The following ADGRL2 variants were observed in gnomAD, a reference collection of about 807,000 sequenced individuals.
ADGRL2 encodes calcium-independent alpha-latrotoxin receptor 2.
A neutral mutation model predicts 157.4 loss-of-function variants in ADGRL2; 44 were observed. The ratio of observed to expected loss-of-function variants is 0.28; its 90% CI spans 0.22 to 0.36. The LOEUF is 0.36. Ranked by LOEUF, ADGRL2 falls within the 10% of genes least tolerant of loss-of-function variation. ADGRL2 has a pLI of 1.00. For synonymous variants in ADGRL2, 585 were observed against 624.7 expected (o/e 0.94, Z 0.95); for missense variants, 1,510 against 1,768.9 (o/e 0.85, Z 2.63).
intron 1 of ADGRL2, chr1:81,427,493 A>T: frequency 4.0e-6 from 3 of 753,744 alleles, no homozygotes; most frequent in Non-Finnish European, 7.3e-6. Context: ...TATAGTGGAC[A>T]ACAGCAATCA....
intron 1 of ADGRL2, among the ~76,000 whole-genome samples, chr1:81,355,611 G>A (rs1304131377): frequency 6.6e-6 from 1 of 152,126 alleles, no homozygotes; most frequent in Non-Finnish European, 1.5e-5. Context: ...GAAACACAAC[G>A]CCTGTTGCCA....
Position 81,943,191 on chromosome 1 carries a change from T to C in ADGRL2, c.632T>C (p.Val211Ala). The change falls in exon 6 of 24, where the codon GTA becomes GCA. Residue 211 changes from valine to alanine, a missense_variant. Physicochemically the swap from Val to Ala is moderately conservative, Grantham distance 64. Transcript: ENST00000686636. This position sits in a 1 kb window ranked among gnomAD's most constrained non-coding sequence, Gnocchi z 5.6. Reference sequence around the variant, plus strand: ...ACAACATATAAACTTCCAAATCGAGTAGATGGTACTGGATTTGTGGTGTAT... The same window carrying C: ...ACAACATATAAACTTCCAAATCGAGCAGATGGTACTGGATTTGTGGTGTAT... ...QTTTYKLPNR[V>A]DGTGFVVYDG... 6.2e-7 allele frequency: 1 copy of C among 1,613,350 alleles called. No homozygotes were observed. The highest frequency in any genetic ancestry group is 8.5e-7 in the Non-Finnish European group (1 of 1,179,562).
intron 3 of ADGRL2, among the ~76,000 whole-genome samples, chr1:81,682,166 A>C (rs563224063): frequency 8.6e-4 from 130 of 150,856 alleles, no homozygotes; most frequent in Middle Eastern, 3.4e-3. Flanking sequence ...CAAGAAGGAA[A>C]GTATTACAGG....
chr1:81,690,356 G>C (rs920079245), intron 3 of ADGRL2, among the ~76,000 whole-genome samples: 1 of 152,164 alleles, frequency 6.6e-6, no homozygotes, highest in Non-Finnish European at 1.5e-5. Flanking sequence ...AGCCAGGCAT[G>C]GTGGTGCATG....
At chr1:81,737,528 A>G (rs1418351751) in intron 1 of ADGRL2, among the ~76,000 whole-genome samples, 1 of 152,208 alleles carries the variant, frequency 6.6e-6, no homozygotes, top group Admixed American at 6.5e-5. Context: ...ATTCAACATG[A>G]GACTCGGGTG....
At chr1:81,512,011 A>G (rs2079088278) in intron 2 of ADGRL2, among the ~76,000 whole-genome samples, 1 of 152,110 alleles carries the variant, frequency 6.6e-6, no homozygotes, top group African/African-American at 2.4e-5. Context: ...TCCATAATGT[A>G]TGTCTGTGCA....
intron 2 of ADGRL2, among the ~76,000 whole-genome samples, chr1:81,888,238 TC>T (rs1474306504): frequency 5.9e-5 from 9 of 152,142 alleles, no homozygotes; most frequent in Admixed American, 5.9e-4. Flanking sequence ...GAAATACAAC[TC>T]TTTATCAAAA....
intron 2 of ADGRL2, among the ~76,000 whole-genome samples, chr1:81,449,281 C>T (rs1313915211): frequency 6.6e-6 from 1 of 151,682 alleles, no homozygotes; most frequent in Admixed American, 6.6e-5. Context: ...CTTTTGGGGG[C>T]TAAATAACCA....
At chr1:81,980,104 T>A in intron 18 of ADGRL2, 144 bp downstream of exon 18, 1 of 580,038 alleles carries the variant, frequency 1.7e-6, no homozygotes, top group Non-Finnish European at 3.1e-6. Flanking sequence ...AATCTCAGTG[T>A]TACTATATCA....
chr1:81,448,167 C>A (rs1222299137), intron 2 of ADGRL2, among the ~76,000 whole-genome samples: 3 of 99,032 alleles, frequency 3.0e-5, no homozygotes, highest in East Asian at 3.5e-4. Flanking sequence ...TTTTTTGAGA[C>A]AGAGTCTCGC....
At chr1:81,413,178 C>A (rs1350510847) in intron 1 of ADGRL2, among the ~76,000 whole-genome samples, 1 of 152,100 alleles carries the variant, frequency 6.6e-6, no homozygotes, top group African/African-American at 2.4e-5. Context: ...GCCTATCAGG[C>A]GCTACTTGAA....
At chr1:81,708,908 A>C (rs2083831333) in intron 1 of ADGRL2, among the ~76,000 whole-genome samples, 1 of 152,074 alleles carries the variant, frequency 6.6e-6, no homozygotes, top group African/African-American at 2.4e-5. Flanking sequence ...ACATCAACTT[A>C]CTTGCTCGTT....
intron 1 of ADGRL2, among the ~76,000 whole-genome samples, chr1:81,378,917 A>G (rs1425289018): frequency 6.6e-6 from 1 of 152,150 alleles, no homozygotes. Context: ...AAGAGATGTT[A>G]TTACTATTTT....
chr1:81,758,596 TAAG>T (rs1430955774), intron 1 of ADGRL2, among the ~76,000 whole-genome samples: 1 of 152,190 alleles, frequency 6.6e-6, no homozygotes, highest in Non-Finnish European at 1.5e-5. Context: ...AAAAATTCAT[TAAG>T]AAGTAGCTCA....
chr1:81,468,745 A>G (rs965588541), intron 2 of ADGRL2, among the ~76,000 whole-genome samples: 3 of 152,204 alleles, frequency 2.0e-5, no homozygotes, highest in African/African-American at 7.2e-5. Context: ...ATTTTTGAAT[A>G]TGTTGTGACT....
chr1:81,577,232 C>A (rs1394613730), intron 2 of ADGRL2, among the ~76,000 whole-genome samples: 1 of 152,138 alleles, frequency 6.6e-6, no homozygotes, highest in Non-Finnish European at 1.5e-5. Flanking sequence ...CGGTAGCATG[C>A]GACTCTTGAT....
intron 11 of ADGRL2, among the ~76,000 whole-genome samples, chr1:81,961,753 G>T (rs948239442): frequency 1.3e-5 from 2 of 151,830 alleles, no homozygotes; most frequent in South Asian, 2.1e-4. Context: ...CAGGTGATCC[G>T]CCTGCCTCAG....
chr1:81,527,924 G>A (rs2079502832), intron 2 of ADGRL2, among the ~76,000 whole-genome samples: 1 of 151,690 alleles, frequency 6.6e-6, no homozygotes, highest in East Asian at 2.0e-4. Context: ...ACAATTAGCC[G>A]GGTGCGGTTG....
At chr1:81,921,466 G>A (rs1344807445) in intron 3 of ADGRL2, among the ~76,000 whole-genome samples, 1 of 152,068 alleles carries the variant, frequency 6.6e-6, no homozygotes, top group Admixed American at 6.6e-5. Context: ...TGTTTTCCTA[G>A]TCATTCATTA....
Sources: gnomAD v4.1 joint callset for allele counts (sites outside exome capture counted in the v4.1 genomes callset) on GRCh38, gnomAD v4.1.1 for gene constraint, Gnocchi (gnomAD v3.1) non-coding constraint, MANE v1.5 for transcripts, NCBI Gene and HGNC (gene_info 2026-07-23, HGNC 2026-07-21) for gene names.